The following DNAH10 variants were observed in gnomAD, a reference collection of about 807,000 sequenced individuals.
DNAH10 encodes dynein axonemal heavy chain 10.
Under a neutral mutation model 506.6 loss-of-function variants are expected in DNAH10, and 348 were observed. The ratio of observed to expected loss-of-function variants is 0.69; its 90% CI spans 0.63 to 0.75. DNAH10 has a LOEUF of 0.75. Among genes scored for constraint, DNAH10 ranks in the 30% least tolerant of loss-of-function variants. DNAH10 has a pLI of 0.00. For missense variants in DNAH10, 5,179 were observed against 5,787.1 expected (o/e 0.89, Z 3.41); for synonymous variants, 2,059 against 2,198.6 (o/e 0.94, Z 1.78).
chr12:123,845,704 AGAAGCAGGCCAT>A lies in DNAH10; in HGVS notation c.5470_5481del (p.Gln1824_Lys1827del). On this transcript the variant is annotated inframe_deletion, in exon 31 of 79. Transcript: ENST00000673944. ...GTCTTCCACAAAGCGCAAAAAGGGG[AGAAGCAGGCCAT>A]GAAGAACTATGGCAGGAAAATGCAC... is the stretch of plus-strand genomic sequence containing the variant. The A allele has an allele frequency of 6.2e-7, 1 of 1,613,876 alleles. No individual in the cohort carries two copies. Among genetic ancestry groups the A allele is most frequent in the South Asian group, 1.1e-5 (1 of 91,056 alleles).
chr12:123,853,613 A>G lies in DNAH10; in HGVS notation c.6438+261A>G, dbSNP rs1470021198. ...TGATGCTTCCATAGTAATAATCTGTAGTCTCAGGATGGGTGTGGCGGAAGG... is the reference window on the plus strand; with the variant it reads ...TGATGCTTCCATAGTAATAATCTGTGGTCTCAGGATGGGTGTGGCGGAAGG... On this transcript the variant is annotated intron_variant, in intron 36 of 78. Coordinates refer to ENST00000673944, the MANE Select transcript of DNAH10 (RefSeq NM_001372106.1). This position sits in a 1 kb window ranked among gnomAD's most constrained non-coding sequence, Gnocchi z 4.7. 6.6e-6 allele frequency among the ~76,000 whole-genome samples: 1 copy of G among 152,134 alleles called. No individual in the cohort carries two copies. The highest frequency in any genetic ancestry group is 1.5e-5 in the Non-Finnish European group (1 of 68,020).
rs369842785 is a variant in DNAH10 at position 123,813,962 on chromosome 12, A to G, written c.3780+50A>G. On this transcript the variant is annotated intron_variant, in intron 21 of 78. Transcript: ENST00000673944. ...TCATTTAACAATTGGATTGACCACTAACGACCCTTTTCAGAAATGCTTCTC... is the reference window on the plus strand; with the variant it reads ...TCATTTAACAATTGGATTGACCACTGACGACCCTTTTCAGAAATGCTTCTC... 132 of 1,503,304 alleles carry G rather than the reference A, an allele frequency of 8.8e-5. 1 individual carries two copies. The South Asian group carries it at 1.3e-3, about 14-fold the overall frequency. 93.1% of individuals were successfully genotyped at this position (1,503,304 alleles called of 1,614,324 possible).
chr12:123,901,281 C>A (rs1953507089), intron 56 of DNAH10, among the ~76,000 whole-genome samples: 1 of 152,186 alleles, frequency 6.6e-6, no homozygotes, highest in African/African-American at 2.4e-5. Flanking sequence ...GCTGGCACCA[C>A]CCCCCACCCC....
Position 123,781,093 on chromosome 12 carries a change from C to T in DNAH10, c.635C>T (p.Ala212Val). 1.3e-6 allele frequency: 2 copies of T among 1,597,672 alleles called. No homozygotes were observed. Among genetic ancestry groups the T allele is most frequent in the Non-Finnish European group, 1.7e-6 (2 of 1,174,902 alleles). ...KNIICQVFLPALSFNQHRTST... is the reference protein window; with the variant it reads ...KNIICQVFLPVLSFNQHRTST... ...TTGGCATTTCAGGTTTTTTTGCCAG[C>T]ATTGTCCTTCAATCAGCACAGGACG... Residue 212 changes from alanine (A) to valine (V), a missense_variant, in exon 6 of 79, where the codon GCA becomes GTA. By Grantham distance (64) the Ala-to-Val change is moderately conservative. This residue lies in a region of DNAH10 where 326 missense variants were observed against 330.8 expected (regional missense o/e 0.99). Transcript: ENST00000673944.
chr12:123,828,344 T>C (rs893035813), intron 25 of DNAH10, among the ~76,000 whole-genome samples: 1 of 152,076 alleles, frequency 6.6e-6, no homozygotes, highest in Non-Finnish European at 1.5e-5. Flanking sequence ...ACAGGTTTAT[T>C]TTAGAGAAAA....
rs1466421235 is a variant in DNAH10, at chr12:123,783,088, A to G, written c.842-19A>G. 9 of 1,612,504 alleles carry G rather than the reference A, an allele frequency of 5.6e-6. No individual in the cohort carries two copies. The highest frequency in any genetic ancestry group is 7.6e-6 in the Non-Finnish European group (9 of 1,178,766). ...TTTTTCCTGAACGAATGACTGACTG[A>G]TCACTTTTATTTTCCTAGGTGAGAT... On this transcript the variant is annotated intron_variant, in intron 6 of 78. Transcript: ENST00000673944.
rs1024749996 is a variant in DNAH10 at position 123,887,080 on chromosome 12, G to A, written c.8824-62G>A. 19 of 1,515,168 alleles carry A rather than the reference G, an allele frequency of 1.3e-5. No individual in the cohort carries two copies. In the African/African-American group the frequency reaches 2.4e-4, roughly 19 times the overall value. The allele number at this position is 1,515,168 out of a possible 1,614,324, so 93.9% of individuals were successfully genotyped here. ...ACTCTCCTCCAGCGTCCCCACCCCG[G>A]AGCCCGCAGGGAAGGGAGGCTGGTG... is the stretch of plus-strand genomic sequence containing the variant. On this transcript the variant is annotated intron_variant, in intron 51 of 78. Coordinates refer to ENST00000673944, the MANE Select transcript of DNAH10 (RefSeq NM_001372106.1).
intron 56 of DNAH10, among the ~76,000 whole-genome samples, chr12:123,899,487 C>T (rs1953417967): frequency 6.6e-6 from 1 of 152,156 alleles, no homozygotes; most frequent in African/African-American, 2.4e-5. Context: ...TGCTAAGTGT[C>T]ATCTCGGTTC....
chr12:123,848,215 TCCA>T, intron 33 of DNAH10, 120 bp downstream of exon 33: 1 of 1,409,242 alleles, frequency 7.1e-7, no homozygotes, highest in Non-Finnish European at 9.6e-7. Context: ...TAGAAAACCT[TCCA>T]CCACCACAGC....
intron 18 of DNAH10, among the ~76,000 whole-genome samples, chr12:123,808,491 G>A (rs1478933863): frequency 6.6e-6 from 1 of 152,180 alleles, no homozygotes; most frequent in African/African-American, 2.4e-5. Flanking sequence ...AGGGCAGGCT[G>A]GGTGGGGATG....
intron 19 of DNAH10, 67 bp from the exon 20 acceptor site, chr12:123,813,096 TA>T (rs2136356992): frequency 3.6e-6 from 4 of 1,126,240 alleles, no homozygotes; most frequent in Non-Finnish European, 5.1e-6. Context: ...TACTGAATAC[TA>T]ATATGTACGT....
chr12:123,899,689 T>C (rs1247671854), intron 56 of DNAH10, among the ~76,000 whole-genome samples: 1 of 152,216 alleles, frequency 6.6e-6, no homozygotes, highest in Non-Finnish European at 1.5e-5. Flanking sequence ...TCAGCCAATA[T>C]AAAGACTGAA....
At chr12:123,788,067 C>T in intron 10 of DNAH10, 65 bp downstream of exon 10, 1 of 1,530,466 alleles carries the variant, frequency 6.5e-7, no homozygotes, top group African/African-American at 1.4e-5. Context: ...TGACAGTGGC[C>T]CCCTCCGTGT....
chr12:123,848,038 G>A lies in DNAH10; in HGVS notation c.5892G>A (p.Ala1964=), dbSNP rs377062646. 101 of 1,613,848 alleles carry A rather than the reference G, an allele frequency of 6.3e-5. No individual in the cohort carries two copies. Among genetic ancestry groups the A allele is most frequent in the African/African-American group, 1.1e-4 (8 of 74,924 alleles). Residue 1964 remains alanine (A), a synonymous_variant, in exon 33 of 79, where the codon GCG becomes GCA. Transcript: ENST00000673944. ...TGKTETTKDL[A]KALGLLCVVT... The stretch of plus-strand genomic sequence containing the variant: ...AAACCGAGACCACCAAGGACCTGGC[G>A]AAAGCCTTGGGCTTGCTCTGTGTTG...
intron 30 of DNAH10, among the ~76,000 whole-genome samples, chr12:123,842,774 C>G (rs1193261248): frequency 6.6e-6 from 1 of 152,142 alleles, no homozygotes; most frequent in Non-Finnish European, 1.5e-5. Context: ...GCAAATATTC[C>G]TGCCATGGCT....
chr12:123,850,831 G>A lies in DNAH10; in HGVS notation c.6103-57G>A. 2 of 1,550,722 alleles carry A rather than the reference G, an allele frequency of 1.3e-6. No homozygotes were observed. The highest frequency in any genetic ancestry group is 1.7e-6 in the Non-Finnish European group (2 of 1,146,428). On this transcript the variant is annotated intron_variant, in intron 34 of 78. Transcript: ENST00000673944. This position sits in a 1 kb window ranked among gnomAD's most constrained non-coding sequence, Gnocchi z 5.5. The stretch of plus-strand genomic sequence containing the variant: ...GCTCGCCGCAGGCCCCCTTTCCAAG[G>A]GGCTGGCCGGCCGGGCCACCTAACT...
Position 123,813,152 on chromosome 12 carries a change from T to G in DNAH10, c.3145-12T>G. 1 of 1,590,276 alleles carries G rather than the reference T, an allele frequency of 6.3e-7. No individual in the cohort carries two copies. Among genetic ancestry groups the G allele is most frequent in the Admixed American group, 1.8e-5 (1 of 56,788 alleles). On this transcript the variant is annotated splice_polypyrimidine_tract_variant and intron_variant, in intron 19 of 78. Coordinates refer to ENST00000673944, the MANE Select transcript of DNAH10 (RefSeq NM_001372106.1). ...AAAATACTGTCTTTTCTCCTAATTCTTACTTTGCCAGCATTTTGTTCGTTG... is the reference window on the plus strand; with the variant it reads ...AAAATACTGTCTTTTCTCCTAATTCGTACTTTGCCAGCATTTTGTTCGTTG...
chr12:123,780,249 C>T (rs1037425416), intron 5 of DNAH10, among the ~76,000 whole-genome samples: 16 of 151,706 alleles, frequency 1.1e-4, no homozygotes, highest in South Asian at 4.2e-4. Flanking sequence ...TCCCTGCAAC[C>T]GCCGCCTCCT....
chr12:123,892,186 A>G (rs1006602988), intron 52 of DNAH10, among the ~76,000 whole-genome samples: 4 of 152,226 alleles, frequency 2.6e-5, no homozygotes, highest in East Asian at 3.8e-4. Context: ...TTTATAAAGA[A>G]AAGAGGTTCA....
Sources: gnomAD v4.1 joint callset for allele counts (sites outside exome capture counted in the v4.1 genomes callset) on GRCh38, gnomAD v4.1.1 for gene constraint, gnomAD v4.1.1 regional missense constraint, Gnocchi (gnomAD v3.1) non-coding constraint, MANE v1.5 for transcripts, NCBI Gene and HGNC (gene_info 2026-07-23, HGNC 2026-07-21) for gene names.